Variants in ADAM22 observed in about 807,000 individuals in gnomAD.
The protein encoded by ADAM22 is disintegrin and metalloproteinase domain-containing protein 22.
A neutral mutation model predicts 144.6 loss-of-function variants in ADAM22; 65 were observed. That is an observed-to-expected ratio of 0.45 (90% confidence interval 0.37 to 0.55). The LOEUF is 0.55. Among genes scored for constraint, ADAM22 ranks in the 20% least tolerant of loss-of-function variants. The pLI, the probability that ADAM22 is intolerant of heterozygous loss-of-function variation, is 0.00. For missense variants in ADAM22, 974 were observed against 1,184.9 expected (o/e 0.82, Z 2.61); for synonymous variants, 391 against 412.6 (o/e 0.95, Z 0.63).
At chr7:88,058,396 C>CA (rs1808863513) in intron 3 of ADAM22, among the ~76,000 whole-genome samples, 1 of 152,148 alleles carries the variant, frequency 6.6e-6, no homozygotes, top group South Asian at 2.1e-4. Flanking sequence ...AGCGAAGTGC[C>CA]AAGTCTACTT....
intron 22 of ADAM22, among the ~76,000 whole-genome samples, chr7:88,162,698 T>C (rs992127229): frequency 2.6e-5 from 4 of 152,138 alleles, no homozygotes; most frequent in Admixed American, 2.0e-4. Flanking sequence ...AGCCAACTTA[T>C]CAAATTACAT....
At chr7:88,021,293 C>T (rs1450229734) in intron 3 of ADAM22, among the ~76,000 whole-genome samples, 2 of 152,158 alleles carry the variant, frequency 1.3e-5, no homozygotes, top group Non-Finnish European at 2.9e-5. Context: ...TTCACCAGAG[C>T]CTTCCAGAGA....
At chr7:87,972,680 A>C (rs1850762001) in intron 2 of ADAM22, among the ~76,000 whole-genome samples, 1 of 152,332 alleles carries the variant, frequency 6.6e-6, no homozygotes, top group South Asian at 2.1e-4. Context: ...CTGACTTCAC[A>C]CTATACCTAC....
rs1851069176 is a variant in ADAM22 at position 88,200,070 on chromosome 7, C to G, written c.*3579C>G. On this transcript the variant is annotated 3_prime_UTR_variant, in exon 32 of 32. Coordinates refer to ENST00000413139, the MANE Select transcript of ADAM22 (RefSeq NM_001324418.2). ...GTCTATTGTCCCAGATCTCTTGTGG[C>G]TACTTTACCTGTTACCTTTTTTGGG... 1.3e-5 allele frequency: 2 copies of G among 152,168 alleles called. No individual in the cohort carries two copies. Among genetic ancestry groups the G allele is most frequent in the Non-Finnish European group, 2.9e-5 (2 of 68,032 alleles). 9.4% of individuals were successfully genotyped at this position (152,168 alleles called of 1,614,324 possible).
At chr7:88,173,675 T>C (rs538896114) in intron 26 of ADAM22, among the ~76,000 whole-genome samples, 2 of 152,210 alleles carry the variant, frequency 1.3e-5, no homozygotes, top group East Asian at 3.9e-4. Context: ...ATTAAGGATT[T>C]TGAGTTGTTA....
intron 3 of ADAM22, among the ~76,000 whole-genome samples, chr7:87,982,700 A>ATATATATAAT (rs1853955774): frequency 1.8e-5 from 1 of 56,080 alleles, no homozygotes; most frequent in African/African-American, 8.3e-5. Context: ...TATATATATA[A>ATATATATAAT]TTTTTTTTTT....
In ADAM22 at chr7:87,966,816, T is replaced by A. The variant is rs1251989538; in HGVS notation, c.247-11520T>A. Reference sequence around the variant, plus strand: ...TGAGATCTACATGATGTAATCTCTGTCCTAGGAAAATGCATCCCAAAACAA... The same window carrying A: ...TGAGATCTACATGATGTAATCTCTGACCTAGGAAAATGCATCCCAAAACAA... On this transcript the variant is annotated intron_variant, in intron 2 of 31. Coordinates refer to ENST00000413139, the MANE Select transcript of ADAM22 (RefSeq NM_001324418.2). Among the ~76,000 whole-genome samples, 6 of 144,478 alleles carry A rather than the reference T, an allele frequency of 4.2e-5. No homozygotes were observed. In the Admixed American group the frequency reaches 4.3e-4, roughly 10 times the overall value. The allele number at this position is 144,478 out of a possible 152,430, so 94.8% of individuals were successfully genotyped here. A position where few individuals can be genotyped will look rare whatever the true frequency, so the allele number is the denominator to read the frequency against.
chr7:88,025,013 C>T (rs7790940), intron 3 of ADAM22, among the ~76,000 whole-genome samples: 2 of 152,002 alleles, frequency 1.3e-5, no homozygotes, highest in African/African-American at 2.4e-5. Context: ...AATAAACATA[C>T]GTGTGCATGT....
chr7:88,114,158 A>G (rs1200263154), intron 5 of ADAM22, among the ~76,000 whole-genome samples: 1 of 152,134 alleles, frequency 6.6e-6, no homozygotes, highest in Non-Finnish European at 1.5e-5. Flanking sequence ...GGGCGTTCTC[A>G]GTATAGTCCC....
chr7:88,113,307 A>G (rs772259753), intron 5 of ADAM22, among the ~76,000 whole-genome samples: 21 of 151,522 alleles, frequency 1.4e-4, no homozygotes, highest in Non-Finnish European at 2.2e-4. Flanking sequence ...TACCTTCAAA[A>G]TATATCTGGA....
intron 2 of ADAM22, among the ~76,000 whole-genome samples, chr7:87,969,651 C>T (rs1849964723): frequency 6.6e-6 from 1 of 152,188 alleles, no homozygotes; most frequent in Admixed American, 6.5e-5. Context: ...AAACATGAAA[C>T]AACCTGCTCT....
rs753940558 is a variant in ADAM22 at position 87,976,870 on chromosome 7, C to CT, written c.247-1453dup. Among the ~76,000 whole-genome samples, 831 of 130,394 alleles carry CT rather than the reference C, an allele frequency of 6.4e-3. 11 individuals are homozygous for CT. The highest frequency in any genetic ancestry group is 0.015 in the South Asian group (63 of 4,324). 85.5% of individuals were successfully genotyped at this position (130,394 alleles called of 152,430 possible). A position where few individuals can be genotyped will look rare whatever the true frequency, so the allele number is the denominator to read the frequency against. ...ATCCAGGGAGAAGGGTTTTTTATTTCTTTTTTTTTTTTTGATACAGTAGAA... is the reference window on the plus strand; with the variant it reads ...ATCCAGGGAGAAGGGTTTTTTATTTCTTTTTTTTTTTTTTGATACAGTAGAA... On this transcript the variant is annotated intron_variant, in intron 2 of 31. Coordinates refer to ENST00000413139, the MANE Select transcript of ADAM22 (RefSeq NM_001324418.2).
intron 6 of ADAM22, among the ~76,000 whole-genome samples, chr7:88,114,915 A>G (rs1253059952): frequency 1.3e-5 from 2 of 152,168 alleles, no homozygotes; most frequent in Non-Finnish European, 2.9e-5. Flanking sequence ...CTGTCTGTAT[A>G]TTTTAAACTA....
At chr7:88,055,423 T>C (rs996507595) in intron 3 of ADAM22, among the ~76,000 whole-genome samples, 1 of 152,116 alleles carries the variant, frequency 6.6e-6, no homozygotes, top group Non-Finnish European at 1.5e-5. Context: ...TGAAAAGCAT[T>C]GTGCCTTGAC....
chr7:88,060,069 C>G (rs1205557306), intron 3 of ADAM22, among the ~76,000 whole-genome samples: 3 of 151,996 alleles, frequency 2.0e-5, no homozygotes, highest in East Asian at 1.9e-4. Context: ...AGCATTATGT[C>G]TAAAAAAAGT....
At chr7:88,172,570 A>G (rs1455603880) in intron 26 of ADAM22, among the ~76,000 whole-genome samples, 1 of 151,958 alleles carries the variant, frequency 6.6e-6, no homozygotes, top group Non-Finnish European at 1.5e-5. Flanking sequence ...CAAATCAAAA[A>G]TTTAAACTTT....
intron 3 of ADAM22, among the ~76,000 whole-genome samples, chr7:88,052,088 T>C (rs1412264729): frequency 1.3e-5 from 2 of 152,130 alleles, no homozygotes; most frequent in Non-Finnish European, 2.9e-5. Context: ...TCATCCACCA[T>C]GGGCCGTTTA....
chr7:87,950,930 A>G (rs1192266984), intron 2 of ADAM22, among the ~76,000 whole-genome samples: 2 of 151,986 alleles, frequency 1.3e-5, no homozygotes, highest in East Asian at 3.9e-4. Context: ...GGCTGCATAA[A>G]TGTCTTCTTT....
At chr7:88,047,717 G>A (rs992447954) in intron 3 of ADAM22, among the ~76,000 whole-genome samples, 1 of 152,092 alleles carries the variant, frequency 6.6e-6, no homozygotes, top group Non-Finnish European at 1.5e-5. Context: ...ATATGAGTTT[G>A]TAATACACTG....
Sources: gnomAD v4.1 joint callset for allele counts (sites outside exome capture counted in the v4.1 genomes callset) on GRCh38, gnomAD v4.1.1 for gene constraint, MANE v1.5 for transcripts, NCBI Gene and HGNC (gene_info 2026-07-23, HGNC 2026-07-21) for gene names.